The following CTTNBP2 variants were observed in gnomAD, a reference collection of about 807,000 sequenced individuals.
The protein encoded by CTTNBP2 is cortactin-binding protein 2.
In CTTNBP2, 108 loss-of-function variants were observed where a neutral mutation model predicts 156.9. The ratio of observed to expected loss-of-function variants is 0.69; its 90% CI spans 0.59 to 0.81. The LOEUF (loss-of-function observed/expected upper bound fraction) is 0.81, where lower values mean the gene tolerates loss of function less well. Ranked by LOEUF, CTTNBP2 falls within the 30% of genes least tolerant of loss-of-function variation. The pLI, the probability that CTTNBP2 is intolerant of heterozygous loss-of-function variation, is 0.00. For missense variants in CTTNBP2, 1,924 were observed against 2,035.4 expected (o/e 0.95, Z 1.05); for synonymous variants, 767 against 751.8 (o/e 1.02, Z -0.33).
intron 19 of CTTNBP2, among the ~76,000 whole-genome samples, chr7:117,723,744 G>A (rs926760796): frequency 2.0e-5 from 3 of 148,110 alleles, no homozygotes; most frequent in Admixed American, 6.7e-5. Context: ...ACTCGATGAC[G>A]GCAGGATCTT....
intron 8 of CTTNBP2, among the ~76,000 whole-genome samples, chr7:117,772,957 C>T (rs922100748): frequency 2.6e-5 from 4 of 151,998 alleles, no homozygotes; most frequent in Non-Finnish European, 4.4e-5. Context: ...CAGTACTCTT[C>T]ACTGAACATT....
In CTTNBP2 at chr7:117,736,274, G is replaced by A. The variant is rs148568045; in HGVS notation, c.3536-853C>T. On this transcript the variant is annotated intron_variant, in intron 14 of 22. Transcript: ENST00000160373. Reference sequence around the variant, plus strand: ...GTTCGAGGCCAGCCTGGGCAACATGGTGAAACCCTGCCTGTACAAAAAATA... The same window carrying A: ...GTTCGAGGCCAGCCTGGGCAACATGATGAAACCCTGCCTGTACAAAAAATA... Among the ~76,000 whole-genome samples the A allele has an allele frequency of 6.7e-3, 1,021 of 152,210 alleles. 16 individuals carry two copies. The highest frequency in any genetic ancestry group is 0.024 in the African/African-American group (990 of 41,512).
chr7:117,746,423 A>G (rs977134800), intron 12 of CTTNBP2, among the ~76,000 whole-genome samples: 17 of 152,168 alleles, frequency 1.1e-4, no homozygotes, highest in African/African-American at 3.4e-4. Context: ...AACTTTTTCT[A>G]TATTATCCTT....
intron 7 of CTTNBP2, among the ~76,000 whole-genome samples, chr7:117,779,283 T>C (rs1798272369): frequency 6.6e-6 from 1 of 152,208 alleles, no homozygotes; most frequent in African/African-American, 2.4e-5. Flanking sequence ...ACAAAGGCCA[T>C]GCAACCACTT....
At position 117,791,859 on chromosome 7, in the gene CTTNBP2, T is replaced by G; in HGVS notation, c.1337A>C (p.Gln446Pro). The G allele has an allele frequency of 6.2e-7, 1 of 1,614,140 alleles. No homozygotes were observed. The highest frequency in any genetic ancestry group is 8.5e-7 in the Non-Finnish European group (1 of 1,180,010). The change falls in exon 4 of 23, where the codon CAA becomes CCA. Residue 446 changes from glutamine (Q) to proline (P), a missense_variant. By Grantham distance (76) the Gln-to-Pro change is moderately conservative. Transcript: ENST00000160373. ...SLHPGLNPRI[Q>P]AARFRFQGNA... ...GCCCTGAAATCTAAATCTAGCTGCT[T>G]GGATTCGTGGGTTTAGACCTGGATG...
chr7:117,817,356 A>T (rs1377129482), intron 2 of CTTNBP2, among the ~76,000 whole-genome samples: 5 of 92,574 alleles, frequency 5.4e-5, no homozygotes, highest in African/African-American at 8.1e-5. Flanking sequence ...AAAAAAAAAA[A>T]AAAAAATATA....
intron 22 of CTTNBP2, 50 bp from the exon 23 acceptor site, chr7:117,711,832 T>C (rs1794076214): frequency 6.4e-7 from 1 of 1,564,932 alleles, no homozygotes; most frequent in African/African-American, 1.4e-5. Flanking sequence ...TCTCCTGTTA[T>C]GAGCCCTACC....
At chr7:117,804,573 T>A (rs540565009) in intron 3 of CTTNBP2, among the ~76,000 whole-genome samples, 31 of 152,298 alleles carry the variant, frequency 2.0e-4, no homozygotes, top group Non-Finnish European at 4.0e-4. Flanking sequence ...ATATACACCA[T>A]GGGATACTAT....
chr7:117,833,046 C>G (rs1487550380), intron 2 of CTTNBP2, among the ~76,000 whole-genome samples: 1 of 152,154 alleles, frequency 6.6e-6, no homozygotes, highest in Non-Finnish European at 1.5e-5. Flanking sequence ...TGAGCCACCG[C>G]ATCTGGCCCA....
intron 14 of CTTNBP2, among the ~76,000 whole-genome samples, chr7:117,737,188 A>G (rs952793250): frequency 6.6e-6 from 1 of 152,212 alleles, no homozygotes; most frequent in Non-Finnish European, 1.5e-5. Context: ...AGAATGCTAA[A>G]ATTCTATGTT....
chr7:117,796,623 A>G (rs1430208445), intron 3 of CTTNBP2, among the ~76,000 whole-genome samples: 1 of 152,210 alleles, frequency 6.6e-6, no homozygotes, highest in East Asian at 1.9e-4. Flanking sequence ...CAACACGTGT[A>G]AATCACATAG....
At chr7:117,714,972 G>A (rs755470820) in intron 22 of CTTNBP2, among the ~76,000 whole-genome samples, 4 of 152,176 alleles carry the variant, frequency 2.6e-5, no homozygotes, top group African/African-American at 4.8e-5. Flanking sequence ...TATCCATATT[G>A]CTGTGCATGT....
chr7:117,718,354 A>C (rs186935933), intron 21 of CTTNBP2, among the ~76,000 whole-genome samples: 1 of 152,298 alleles, frequency 6.6e-6, no homozygotes, highest in East Asian at 1.9e-4. Flanking sequence ...CGTCAAAAGA[A>C]GACCAGAAGA....
At chr7:117,817,375 T>TATATATATATATATATATATATAC (rs1563037855) in intron 2 of CTTNBP2, among the ~76,000 whole-genome samples, 2 of 116,166 alleles carry the variant, frequency 1.7e-5, no homozygotes, top group African/African-American at 6.0e-5. Flanking sequence ...TATATATATA[T>TATATATATATATATATATATATAC]ATATATATAT....
chr7:117,723,678 A>G (rs1794927475), intron 19 of CTTNBP2, among the ~76,000 whole-genome samples: 1 of 152,044 alleles, frequency 6.6e-6, no homozygotes, highest in Admixed American at 6.5e-5. Context: ...GAAAGCTTAC[A>G]TATTTTTCAC....
rs1366968093 is a variant in CTTNBP2 at position 117,777,612 on chromosome 7, G to A, written c.2677C>T (p.Pro893Ser). The change falls in exon 8 of 23, where the codon CCT becomes TCT. Residue 893 changes from proline to serine, a missense_variant. By Grantham distance (74) the Pro-to-Ser change is moderately conservative. Transcript: ENST00000160373. Reference protein sequence around the residue: ...VFDLDGGEESPEGISKPVVPA... With the variant: ...VFDLDGGEESSEGISKPVVPA... ...ACAACAGGCTTGGATATGCCTTCAG[G>A]ACTCTCTTCTCCTCCATCCAAGTCA... The A allele has an allele frequency of 2.5e-6, 4 of 1,613,796 alleles. No individual in the cohort carries two copies. The African/African-American group carries it at 4.0e-5, about 16-fold the overall frequency.
At chr7:117,862,548 T>C (rs1439475965) in intron 1 of CTTNBP2, among the ~76,000 whole-genome samples, 1 of 152,168 alleles carries the variant, frequency 6.6e-6, no homozygotes, top group African/African-American at 2.4e-5. Context: ...GAGAGCAAGT[T>C]CACAGTCAGC....
At chr7:117,836,365 G>C (rs555213085) in intron 2 of CTTNBP2, among the ~76,000 whole-genome samples, 12 of 152,200 alleles carry the variant, frequency 7.9e-5, no homozygotes, top group South Asian at 2.1e-4. Flanking sequence ...GAGATCCAGA[G>C]CATCCTGGCT....
Position 117,769,697 on chromosome 7 carries a change from G to A in CTTNBP2, c.2779-2521C>T, listed in dbSNP as rs181936263. ...ACTAATTTGGACAAAATCAGTAAATGAATAAGATAATGTTGATTTAGAAAT... is the reference window on the plus strand; with the variant it reads ...ACTAATTTGGACAAAATCAGTAAATAAATAAGATAATGTTGATTTAGAAAT... On this transcript the variant is annotated intron_variant, in intron 8 of 22. Transcript: ENST00000160373. Among the ~76,000 whole-genome samples, 5 of 152,306 alleles carry A rather than the reference G, an allele frequency of 3.3e-5. No homozygotes were observed. The East Asian group carries it at 5.8e-4, about 18-fold the overall frequency.
Sources: allele counts gnomAD v4.1 joint callset (sites outside exome capture counted in the v4.1 genomes callset), GRCh38; gene constraint gnomAD v4.1.1; transcripts MANE v1.5; gene names NCBI Gene and HGNC (gene_info 2026-07-23, HGNC 2026-07-21).